Variants in PPFIA2 observed in about 807,000 individuals in gnomAD.
The protein encoded by PPFIA2 is liprin-alpha-2.
PPFIA2 carries 46 observed loss-of-function variants against 175.5 expected under a neutral mutation model. The observed-to-expected ratio is 0.26, with a 90% CI of 0.21 to 0.34. The LOEUF is 0.34. Ranked by LOEUF, PPFIA2 falls within the 10% of genes least tolerant of loss-of-function variation. The probability of loss-of-function intolerance (pLI) is 1.00; values close to 1 mark genes in which losing one functional copy is unlikely to be tolerated. For synonymous variants in PPFIA2, 568 were observed against 511.4 expected (o/e 1.11, Z -1.49); for missense variants, 1,179 against 1,506.1 (o/e 0.78, Z 3.60).
intron 22 of PPFIA2, among the ~76,000 whole-genome samples, chr12:81,308,604 C>T (rs1310760377): frequency 6.6e-6 from 1 of 152,088 alleles, no homozygotes; most frequent in African/African-American, 2.4e-5. Flanking sequence ...ATAATGGTCC[C>T]CTACTTTTCT....
chr12:81,367,281 T>C lies in PPFIA2; in HGVS notation c.1483-111A>G, dbSNP rs2033769709. Reference sequence around the variant, plus strand: ...AATCCTCTTAGATTCCTTCCTTAGTTCAGGTATTTCTTGGTTTCCATGGAA... The same window carrying C: ...AATCCTCTTAGATTCCTTCCTTAGTCCAGGTATTTCTTGGTTTCCATGGAA... On this transcript the variant is annotated intron_variant, in intron 13 of 32. Transcript: ENST00000549396. The C allele has an allele frequency of 1.2e-5, 9 of 750,722 alleles. No individual in the cohort carries two copies. The South Asian group carries it at 5.1e-4, about 43-fold the overall frequency. The allele number at this position is 750,722 out of a possible 1,614,324, so 46.5% of individuals were successfully genotyped here.
At chr12:81,312,160 C>T (rs964820447) in intron 22 of PPFIA2, 3 of 1,534,852 alleles carry the variant, frequency 2.0e-6, no homozygotes, top group Non-Finnish European at 8.7e-7. Context: ...TTCAACTTAC[C>T]CAGATGTGCT....
chr12:81,495,596 G>T (rs1000681246), intron 4 of PPFIA2, among the ~76,000 whole-genome samples: 1 of 152,072 alleles, frequency 6.6e-6, no homozygotes, highest in African/African-American at 2.4e-5. Flanking sequence ...CTTGAGCCCA[G>T]GAATTCAAGA....
intron 4 of PPFIA2, among the ~76,000 whole-genome samples, chr12:81,489,722 C>T (rs1369992862): frequency 6.6e-6 from 1 of 151,884 alleles, no homozygotes; most frequent in Non-Finnish European, 1.5e-5. Flanking sequence ...CTATAGTGTA[C>T]AAGCTATACA....
chr12:81,514,501 C>CT (rs2062167215), intron 4 of PPFIA2, among the ~76,000 whole-genome samples: 2 of 151,720 alleles, frequency 1.3e-5, no homozygotes, highest in South Asian at 4.2e-4. Flanking sequence ...TCTAAGAGTG[C>CT]TTTTTTTAAA....
chr12:81,427,951 A>G (rs2047436403), intron 7 of PPFIA2, among the ~76,000 whole-genome samples: 1 of 151,978 alleles, frequency 6.6e-6, no homozygotes, highest in African/African-American at 2.4e-5. Flanking sequence ...CTATAATTCA[A>G]TCTTGAATCT....
At chr12:81,442,749 G>A (rs2050396814) in intron 6 of PPFIA2, among the ~76,000 whole-genome samples, 1 of 147,828 alleles carries the variant, frequency 6.8e-6, no homozygotes, top group South Asian at 2.1e-4. Context: ...CTCAATCCTT[G>A]TAGAGTTTAT....
intron 4 of PPFIA2, among the ~76,000 whole-genome samples, chr12:81,646,444 T>G (rs1198893305): frequency 6.6e-6 from 1 of 152,114 alleles, no homozygotes; most frequent in Non-Finnish European, 1.5e-5. Context: ...AATCTCCCCT[T>G]TCCTTTGCTC....
chr12:81,449,867 C>A (rs1046217250), intron 5 of PPFIA2, among the ~76,000 whole-genome samples: 10 of 149,500 alleles, frequency 6.7e-5, no homozygotes, highest in African/African-American at 2.5e-4. Flanking sequence ...TCAATTCCCA[C>A]CTATGAGTGA....
Position 81,303,845 on chromosome 12 carries a change from C to T in PPFIA2, c.2643-4463G>A, listed in dbSNP as rs528975693. On this transcript the variant is annotated intron_variant, in intron 22 of 32. Transcript: ENST00000549396. ...AATGTATATAAATTAGAAGCATTGG[C>T]CAAGCTACAGATTTCCAACTTTTAA... 1.3e-5 allele frequency among the ~76,000 whole-genome samples: 2 copies of T among 152,276 alleles called. 1 individual carries two copies. Among genetic ancestry groups the T allele is most frequent in the African/African-American group, 4.8e-5 (2 of 41,572 alleles).
chr12:81,562,689 T>C (rs1296454073), intron 4 of PPFIA2, among the ~76,000 whole-genome samples: 3 of 149,420 alleles, frequency 2.0e-5, no homozygotes, highest in African/African-American at 2.5e-5. Flanking sequence ...CTACTAAAAA[T>C]ACAAAAAATT....
At chr12:81,312,765 A>G (rs566212372) in intron 22 of PPFIA2, among the ~76,000 whole-genome samples, 1 of 152,326 alleles carries the variant, frequency 6.6e-6, no homozygotes, top group Non-Finnish European at 1.5e-5. Flanking sequence ...AATCCCTGGC[A>G]ATAGAAATGT....
intron 4 of PPFIA2, among the ~76,000 whole-genome samples, chr12:81,656,757 T>C (rs905936647): frequency 2.0e-5 from 3 of 151,786 alleles, no homozygotes; most frequent in Middle Eastern, 3.4e-3. Context: ...GTGAACTCTT[T>C]TGGTAAAATA....
At chr12:81,535,649 A>G in intron 4 of PPFIA2, 1 of 312,688 alleles carries the variant, frequency 3.2e-6, no homozygotes, top group South Asian at 2.7e-5. Context: ...ACATACACAC[A>G]CACACACAAA....
chr12:81,520,959 G>A (rs1468212190), intron 4 of PPFIA2, among the ~76,000 whole-genome samples: 6 of 152,030 alleles, frequency 3.9e-5, no homozygotes, highest in Non-Finnish European at 8.8e-5. Context: ...TTTTAGGGGG[G>A]GTGAGGAAGG....
chr12:81,569,715 A>G (rs1268823350), intron 4 of PPFIA2, among the ~76,000 whole-genome samples: 1 of 152,184 alleles, frequency 6.6e-6, no homozygotes, highest in African/African-American at 2.4e-5. Flanking sequence ...TAATAATACC[A>G]ATAGCTTCTA....
chr12:81,584,200 T>C (rs1177770822), intron 4 of PPFIA2, among the ~76,000 whole-genome samples: 1 of 151,792 alleles, frequency 6.6e-6, no homozygotes, highest in African/African-American at 2.4e-5. Flanking sequence ...ATATTGTTGT[T>C]AAAACATGTG....
chr12:81,325,815 G>A lies in PPFIA2; in HGVS notation c.2604C>T (p.Leu868=), dbSNP rs368047640. The A allele has an allele frequency of 6.2e-5, 100 of 1,612,618 alleles. 1 individual carries two copies. The highest frequency in any genetic ancestry group is 4.5e-4 in the South Asian group (41 of 91,002). The change falls in exon 22 of 33, where the codon CTC becomes CTT. Residue 868 remains leucine, a synonymous_variant. Transcript: ENST00000549396. ...TTCGATCCTTCTCAGCTTGAGTTCCGAGTTTGCCTAACCCCAGGGACTCCT... is the reference window on the plus strand; with the variant it reads ...TTCGATCCTTCTCAGCTTGAGTTCCAAGTTTGCCTAACCCCAGGGACTCCT... The part of the protein sequence containing the change: ...AAQESLGLGK[L]GTQAEKDRRL...
At chr12:81,566,910 T>C (rs904110843) in intron 4 of PPFIA2, among the ~76,000 whole-genome samples, 3 of 152,248 alleles carry the variant, frequency 2.0e-5, no homozygotes, top group African/African-American at 4.8e-5. Context: ...ACGTGTGTAC[T>C]GTAAGAAATG....
Sources: allele counts gnomAD v4.1 joint callset (sites outside exome capture counted in the v4.1 genomes callset), GRCh38; gene constraint gnomAD v4.1.1; transcripts MANE v1.5; gene names NCBI Gene and HGNC (gene_info 2026-07-23, HGNC 2026-07-21).